CCNI: variants seen among roughly 807,000 people sequenced by gnomAD.
CCNI encodes the protein cyclin-I.
In CCNI, 14 loss-of-function variants were observed where a neutral mutation model predicts 34.1. The ratio of observed to expected loss-of-function variants is 0.41; its 90% CI spans 0.27 to 0.64. The LOEUF (loss-of-function observed/expected upper bound fraction) is 0.64, where lower values mean the gene tolerates loss of function less well. Ranked by LOEUF, CCNI falls within the 30% of genes least tolerant of loss-of-function variation. The pLI is 0.31. For synonymous variants in CCNI, 154 were observed against 158.4 expected (o/e 0.97, Z 0.21); for missense variants, 385 against 440.5 (o/e 0.87, Z 1.13).
At chr4:77,069,805 T>C (rs1208598737) in intron 1 of CCNI, among the ~76,000 whole-genome samples, 1 of 151,922 alleles carries the variant, frequency 6.6e-6, no homozygotes, top group Admixed American at 6.6e-5. Context: ...TGTGGGGTTT[T>C]GGTACCTTCT....
chr4:77,057,425 A>G (rs549446755), intron 3 of CCNI, among the ~76,000 whole-genome samples: 1 of 152,316 alleles, frequency 6.6e-6, no homozygotes, highest in East Asian at 1.9e-4. Context: ...CATGTTTAGT[A>G]AGTGTCTTAA....
Position 77,052,117 on chromosome 4 carries a change from C to T in CCNI, c.690+3033G>A, listed in dbSNP as rs1727892698. Among the ~76,000 whole-genome samples the T allele has an allele frequency of 3.3e-5, 5 of 151,812 alleles. 1 individual carries two copies. The South Asian group carries it at 1.0e-3, about 32-fold the overall frequency. On this transcript the variant is annotated intron_variant, in intron 6 of 6. Coordinates refer to ENST00000237654, the MANE Select transcript of CCNI (RefSeq NM_006835.3). ...CAGTTTTTCAACCCTTGCTCCCCTC[C>T]CTCCCTCCCCCTTCTAGTAGTCCCC...
intron 5 of CCNI, 82 bp from the exon 6 acceptor site, chr4:77,055,462 T>TTA: frequency 4.0e-5 from 38 of 950,992 alleles, no homozygotes; most frequent in Non-Finnish European, 5.5e-5. Flanking sequence ...CCTATTCAAT[T>TTA]TCTTTTTTTT....
intron 1 of CCNI, among the ~76,000 whole-genome samples, chr4:77,070,162 C>T (rs1019898364): frequency 1.3e-5 from 2 of 151,802 alleles, no homozygotes; most frequent in African/African-American, 4.8e-5. Context: ...GGATTACAGG[C>T]ACACACCACC....
intron 2 of CCNI, among the ~76,000 whole-genome samples, chr4:77,063,458 G>GGGGCC (rs1220393221): frequency 1.3e-5 from 2 of 151,596 alleles, no homozygotes; most frequent in Non-Finnish European, 2.9e-5. Flanking sequence ...CAGCACTTTG[G>GGGGCC]AAGGCCGGAT....
intron 1 of CCNI, among the ~76,000 whole-genome samples, chr4:77,071,433 C>T (rs567379617): frequency 6.6e-6 from 1 of 152,056 alleles, no homozygotes; most frequent in Admixed American, 6.5e-5. Context: ...TAATCTTCCA[C>T]CTTAAGGTAA....
In CCNI at chr4:77,055,321, G is replaced by A. The variant is rs947665093; in HGVS notation, c.519C>T (p.Ser173=). 2 of 1,614,068 alleles carry A rather than the reference G, an allele frequency of 1.2e-6. No individual in the cohort carries two copies. Among genetic ancestry groups the A allele is most frequent in the African/African-American group, 1.3e-5 (1 of 74,936 alleles). ...TAAGGACTGCCAAATGTTGAGATGG[G>A]CTCAATTTGGGCAAACTGAAAAGTA... ...PQLLFSLPKL[S]PSQHLAVLTK... The change falls in exon 6 of 7, where the codon AGC becomes AGT. Residue 173 remains serine, a synonymous_variant. Transcript: ENST00000237654.
chr4:77,050,126 TA>T (rs756593098), intron 6 of CCNI, among the ~76,000 whole-genome samples: 9 of 152,238 alleles, frequency 5.9e-5, no homozygotes, highest in Non-Finnish European at 1.0e-4. Flanking sequence ...TATGATGCAC[TA>T]ATCTTCCCCT....
rs1728220637 is a variant in CCNI, at chr4:77,056,278, G to T, written c.289C>A (p.Leu97Ile). 1 of 1,613,780 alleles carries T rather than the reference G, an allele frequency of 6.2e-7. No homozygotes were observed. The highest frequency in any genetic ancestry group is 1.7e-5 in the Admixed American group (1 of 60,022). The change falls in exon 4 of 7, where the codon CTA (leucine) becomes ATA (isoleucine). Residue 97 changes from leucine to isoleucine, a missense_variant. Physicochemically the swap from Leu to Ile is conservative, Grantham distance 5 (BLOSUM62 2). Around this residue, in one of 2 missense-constraint regions of CCNI, gnomAD observed 135 missense variants for 191.8 expected, o/e 0.70. Coordinates refer to ENST00000237654, the MANE Select transcript of CCNI (RefSeq NM_006835.3). Reference sequence around the variant, plus strand: ...TCTTCCTCAACAGTCTTGGCAGCTAGGAAAAAACAGCTGATTGCAATACAA... The same window carrying T: ...TCTTCCTCAACAGTCTTGGCAGCTATGAAAAAACAGCTGATTGCAATACAA... ...LSCIAISCFF[L>I]AAKTVEEDER...
At chr4:77,053,741 C>T (rs1728027995) in intron 6 of CCNI, among the ~76,000 whole-genome samples, 2 of 152,130 alleles carry the variant, frequency 1.3e-5, no homozygotes, top group African/African-American at 2.4e-5. Flanking sequence ...TCTATTAAGC[C>T]TATTCCTCTA....
intron 3 of CCNI, 122 bp downstream of exon 3, chr4:77,058,385 A>G: frequency 1.5e-6 from 1 of 652,356 alleles, no homozygotes. Flanking sequence ...ATGGGTACAT[A>G]CATCATTCTC....
intron 1 of CCNI, among the ~76,000 whole-genome samples, chr4:77,069,960 T>C (rs1038173694): frequency 6.6e-6 from 1 of 152,030 alleles, no homozygotes; most frequent in Non-Finnish European, 1.5e-5. Flanking sequence ...CCTCACGATA[T>C]TTTGCCTCTT....
chr4:77,056,728 T>G (rs1728267536), intron 3 of CCNI, among the ~76,000 whole-genome samples: 1 of 151,778 alleles, frequency 6.6e-6, no homozygotes, highest in African/African-American at 2.4e-5. Flanking sequence ...TAGCTGCTAC[T>G]ACAACGCCCG....
intron 6 of CCNI, among the ~76,000 whole-genome samples, chr4:77,053,152 T>C (rs1305100279): frequency 4.6e-5 from 7 of 152,184 alleles, no homozygotes; most frequent in Non-Finnish European, 7.3e-5. Flanking sequence ...AGCTCCGTTC[T>C]TCTATTCTAT....
chr4:77,063,664 T>C (rs1259688633), intron 2 of CCNI, among the ~76,000 whole-genome samples: 3 of 148,510 alleles, frequency 2.0e-5, no homozygotes, highest in Non-Finnish European at 4.4e-5. Flanking sequence ...CACTCCAGCC[T>C]GGGCAGCAGA....
chr4:77,066,562 A>G (rs1239749669), intron 1 of CCNI, among the ~76,000 whole-genome samples, 157 bp from the exon 2 acceptor site: 1 of 152,272 alleles, frequency 6.6e-6, no homozygotes, highest in Non-Finnish European at 1.5e-5. Flanking sequence ...CAAAATAATC[A>G]GTTATCTAAA....
Position 77,048,359 on chromosome 4 carries a change from C to T in CCNI, c.994G>A (p.Asp332Asn), listed in dbSNP as rs374575777. The T allele has an allele frequency of 6.2e-7, 1 of 1,613,904 alleles. No individual in the cohort carries two copies. The highest frequency in any genetic ancestry group is 1.3e-5 in the African/African-American group (1 of 74,906). Residue 332 changes from aspartate to asparagine, a missense_variant, in exon 7 of 7, where the codon GAC (aspartate) becomes AAC (asparagine). Physicochemically the swap from Asp to Asn is conservative, Grantham distance 23. Around this residue, in one of 2 missense-constraint regions of CCNI, gnomAD observed 250 missense variants for 248.7 expected, o/e 1.01. Transcript: ENST00000237654. ...AGCCGTTTGATTCCATCATAGAAGT[C>T]ATCCACTTCCATTTCCTCTACTTTG... ...KRKVEEMEVD[D>N]FYDGIKRLYN...
In CCNI at chr4:77,048,599, A is replaced by G. The variant is rs1727610431; in HGVS notation, c.754T>C (p.Ser252Pro). The G allele has an allele frequency of 6.2e-7, 1 of 1,601,888 alleles. No individual in the cohort carries two copies. Among genetic ancestry groups the G allele is most frequent in the Non-Finnish European group, 8.5e-7 (1 of 1,173,088 alleles). The change falls in exon 7 of 7, where the codon TCT (serine) becomes CCT (proline). Residue 252 changes from serine to proline, a missense_variant. Physicochemically the swap from Ser to Pro is moderately conservative, Grantham distance 74. This residue lies in a region of CCNI where 250 missense variants were observed against 248.7 expected (regional missense o/e 1.01). Coordinates refer to ENST00000237654, the MANE Select transcript of CCNI (RefSeq NM_006835.3). ...TAAACGGAATTCAGAGGCAGGGAAG[A>G]CTGCAGAGTAGAAAGGTGATGTGCC... is the stretch of plus-strand genomic sequence containing the variant. ...LVAHHLSTLQ[S>P]SLPLNSVYVY...
chr4:77,048,233 C>T lies in CCNI; in HGVS notation c.1120G>A (p.Val374Ile). ...HASPCPPLQP[V>I]SVM Reference sequence around the variant, plus strand: ...ACTTGTTGAAACTACATGACAGAAACAGGCTGCAAAGGTGGACAAGGGGAA... The same window carrying T: ...ACTTGTTGAAACTACATGACAGAAATAGGCTGCAAAGGTGGACAAGGGGAA... The change falls in exon 7 of 7, where the codon GTT becomes ATT. Residue 374 changes from valine (V) to isoleucine (I), a missense_variant. Val to Ile is a conservative substitution (Grantham distance 29). Around this residue, in one of 2 missense-constraint regions of CCNI, gnomAD observed 250 missense variants for 248.7 expected, o/e 1.01. Coordinates refer to ENST00000237654, the MANE Select transcript of CCNI (RefSeq NM_006835.3). 6.2e-7 allele frequency: 1 copy of T among 1,613,070 alleles called. No homozygotes were observed. The highest frequency in any genetic ancestry group is 8.5e-7 in the Non-Finnish European group (1 of 1,179,380).
Sources: gnomAD v4.1 joint callset for allele counts (sites outside exome capture counted in the v4.1 genomes callset) on GRCh38, gnomAD v4.1.1 for gene constraint, gnomAD v4.1.1 regional missense constraint, MANE v1.5 for transcripts, NCBI Gene and HGNC (gene_info 2026-07-23, HGNC 2026-07-21) for gene names.